SYCE2: variants seen among roughly 807,000 people sequenced by gnomAD.
SYCE2 encodes the protein central element synaptonemal complex 1.
SYCE2 carries 3 observed loss-of-function variants against 27.9 expected under a neutral mutation model. That is an observed-to-expected ratio of 0.11 (90% CI 0.05 to 0.28). The LOEUF (loss-of-function observed/expected upper bound fraction) is 0.28. Among genes scored for constraint, SYCE2 ranks in the 10% least tolerant of loss-of-function variants. The pLI is 1.00. For missense variants in SYCE2, 207 were observed against 263.5 expected, an observed-to-expected ratio of 0.79 and a Z score of 1.48; for synonymous variants, 85 against 100.7, an observed-to-expected ratio of 0.84 and a Z score of 0.93.
chr19:12,902,557 C>T lies in SYCE2; in HGVS notation c.307-1909G>A, dbSNP rs144039226. Among the ~76,000 whole-genome samples, 365 of 152,138 alleles carry T rather than the reference C, an allele frequency of 2.4e-3. 1 individual carries two copies. Among genetic ancestry groups the T allele is most frequent in the Middle Eastern group, 6.8e-3 (2 of 294 alleles). ...GGCAGAGGTGGGAGGATCATTTGAG[C>T]CCAGGAGTTTGAGGCTCCAGTGAGC... On this transcript the variant is annotated intron_variant, in intron 3 of 5. Transcript: ENST00000293695.
chr19:12,905,448 C>G (rs188967833), intron 2 of SYCE2, among the ~76,000 whole-genome samples: 101 of 151,018 alleles, frequency 6.7e-4, no homozygotes, highest in African/African-American at 2.2e-3. Context: ...TCTCCTGGCT[C>G]AGCCTCCTGA....
At position 12,919,197 on chromosome 19, in the gene SYCE2, T is replaced by C. The variant is rs756515386; in HGVS notation, c.15+46A>G. The C allele has an allele frequency of 2.5e-6, 4 of 1,606,974 alleles. No homozygotes were observed. The Admixed American group carries it at 5.0e-5, about 20-fold the overall frequency. Reference sequence around the variant, plus strand: ...TGGGATCGCAGCCGTTCCCTGCCTATCTGTCCGCCCGCCCCACGCGCGAGA... The same window carrying C: ...TGGGATCGCAGCCGTTCCCTGCCTACCTGTCCGCCCGCCCCACGCGCGAGA... On this transcript the variant is annotated intron_variant, in intron 1 of 5. Coordinates refer to ENST00000293695, the MANE Select transcript of SYCE2 (RefSeq NM_001105578.2).
intron 2 of SYCE2, among the ~76,000 whole-genome samples, chr19:12,915,494 C>T (rs891763775): frequency 1.3e-5 from 2 of 149,172 alleles, no homozygotes; most frequent in African/African-American, 2.5e-5. Flanking sequence ...CCCAGCTACT[C>T]GGGAGGCTAA....
chr19:12,916,160 C>T (rs1284048048), intron 2 of SYCE2, among the ~76,000 whole-genome samples: 1 of 151,774 alleles, frequency 6.6e-6, no homozygotes, highest in Non-Finnish European at 1.5e-5. Context: ...ACCTCTGCCT[C>T]CCAGGTTCAA....
chr19:12,903,421 T>C (rs116374652), intron 3 of SYCE2, among the ~76,000 whole-genome samples: 44,461 of 138,880 alleles, frequency 0.32, 7,258 homozygotes, highest in Admixed American at 0.39. Context: ...AGACGGAGTC[T>C]CACCTGTCAC....
chr19:12,912,897 C>G (rs1358245432), intron 2 of SYCE2, among the ~76,000 whole-genome samples: 2 of 152,276 alleles, frequency 1.3e-5, no homozygotes, highest in Non-Finnish European at 1.5e-5. Flanking sequence ...GGGGATTTAT[C>G]CCTTTTGATT....
intron 3 of SYCE2, among the ~76,000 whole-genome samples, chr19:12,902,887 G>A (rs1039001932): frequency 5.3e-5 from 8 of 150,618 alleles, no homozygotes; most frequent in African/African-American, 1.9e-4. Flanking sequence ...CCACTCATGT[G>A]ACCCATTATG....
intron 3 of SYCE2, among the ~76,000 whole-genome samples, chr19:12,902,973 G>A (rs1487672320): frequency 7.4e-6 from 1 of 135,476 alleles, no homozygotes; most frequent in Non-Finnish European, 1.6e-5. Flanking sequence ...TTTTTTTTTC[G>A]AGACAGCCAA....
rs776665629 is a variant in SYCE2 at position 12,900,033 on chromosome 19, C to G, written c.583G>C (p.Val195Leu). 3 of 1,613,660 alleles carry G rather than the reference C, an allele frequency of 1.9e-6. No individual in the cohort carries two copies. The South Asian group carries it at 3.3e-5, about 18-fold the overall frequency. The change falls in exon 5 of 6, where the codon GTT becomes CTT. Residue 195 changes from valine (V) to leucine (L), a missense_variant. Transcript: ENST00000293695. ...GAAGTAGTTTCAGCCACAGAAGAAA[C>G]GAACACGTCTGGGGGCTGTGAGTTG... ...PGNSQPPDVFVSSVAETTSQA... is the reference protein window; with the variant it reads ...PGNSQPPDVFLSSVAETTSQA...
intron 3 of SYCE2, among the ~76,000 whole-genome samples, chr19:12,904,098 C>T (rs1024821053): frequency 3.3e-5 from 5 of 152,208 alleles, no homozygotes; most frequent in Non-Finnish European, 7.3e-5. Context: ...CGTGGCTGCT[C>T]GACCTTGCGT....
chr19:12,900,315 G>T, intron 4 of SYCE2, 145 bp downstream of exon 4: 1 of 1,082,906 alleles, frequency 9.2e-7, no homozygotes, highest in Non-Finnish European at 1.3e-6. Context: ...TCACAAACAA[G>T]ATGGTGAGTG....
chr19:12,899,522 C>A lies in SYCE2; in HGVS notation c.613-137G>T, dbSNP rs933624223. ...GGGAGAGCTATCACGGGAATCCAGGCGTTCACGGCCAGCAAGTGAGCCGCT... is the reference window on the plus strand; with the variant it reads ...GGGAGAGCTATCACGGGAATCCAGGAGTTCACGGCCAGCAAGTGAGCCGCT... On this transcript the variant is annotated intron_variant, in intron 5 of 5. Coordinates refer to ENST00000293695, the MANE Select transcript of SYCE2 (RefSeq NM_001105578.2). 3 of 1,614,136 alleles carry A rather than the reference C, an allele frequency of 1.9e-6. No homozygotes were observed. Among genetic ancestry groups the A allele is most frequent in the Non-Finnish European group, 2.5e-6 (3 of 1,179,990 alleles).
intron 2 of SYCE2, among the ~76,000 whole-genome samples, chr19:12,912,317 C>T (rs1356419468): frequency 6.6e-6 from 1 of 151,744 alleles, no homozygotes; most frequent in East Asian, 1.9e-4. Context: ...CAGCCTTTGC[C>T]TGGAATGACT....
chr19:12,908,548 T>A (rs969733703), intron 2 of SYCE2, among the ~76,000 whole-genome samples: 1 of 152,036 alleles, frequency 6.6e-6, no homozygotes, highest in Non-Finnish European at 1.5e-5. Context: ...ATGGTTTCCA[T>A]CTCGTGACCT....
chr19:12,907,312 C>G (rs1478163961), intron 2 of SYCE2, among the ~76,000 whole-genome samples: 1 of 152,216 alleles, frequency 6.6e-6, no homozygotes, highest in Non-Finnish European at 1.5e-5. Flanking sequence ...GGCCTGACTT[C>G]CCAGCTGGTA....
intron 2 of SYCE2, among the ~76,000 whole-genome samples, chr19:12,915,550 C>A (rs1293960915): frequency 7.1e-6 from 1 of 140,944 alleles, no homozygotes; most frequent in Non-Finnish European, 1.5e-5. Context: ...TGCAGTGAGC[C>A]AAGATCATGC....
intron 4 of SYCE2, 79 bp downstream of exon 4, chr19:12,900,381 T>A: frequency 2.0e-6 from 3 of 1,495,942 alleles, no homozygotes; most frequent in Non-Finnish European, 1.8e-6. Flanking sequence ...GGTGCCTGGT[T>A]TCTGTTCACA....
At position 12,918,332 on chromosome 19, in the gene SYCE2, G is replaced by A. The variant is rs1196015675; in HGVS notation, c.21C>T (p.Asp7=). 3 of 1,614,008 alleles carry A rather than the reference G, an allele frequency of 1.9e-6. No homozygotes were observed. Among genetic ancestry groups the A allele is most frequent in the East Asian group, 2.2e-5 (1 of 44,888 alleles). The change falls in exon 2 of 6, where the codon GAC becomes GAT. Residue 7 remains aspartate (D), a synonymous_variant. Transcript: ENST00000293695. MERQGV[D]VPHVKCKDQE... is the part of the protein sequence containing the mutation. ...GGTCTTTGCATTTCACATGGGGCAC[G>A]TCCACCTGCAAGCACAGTCAGGACG...
chr19:12,908,378 G>A (rs959830839), intron 2 of SYCE2, among the ~76,000 whole-genome samples: 2 of 150,090 alleles, frequency 1.3e-5, no homozygotes, highest in Admixed American at 6.7e-5. Flanking sequence ...AGGCTGGAGT[G>A]CACTGGCATG....
Sources: gnomAD v4.1 joint callset for allele counts (sites outside exome capture counted in the v4.1 genomes callset) on GRCh38, gnomAD v4.1.1 for gene constraint, MANE v1.5 for transcripts, NCBI Gene and HGNC (gene_info 2026-07-23, HGNC 2026-07-21) for gene names.